The following MAGT1 variants were observed in gnomAD, a reference collection of about 807,000 sequenced individuals.
The protein encoded by MAGT1 is magnesium transporter 1, also known as dolichyl-diphosphooligosaccharide--protein glycosyltransferase subunit MAGT1.
Under a neutral mutation model 28.4 loss-of-function variants are expected in MAGT1, and 4 were observed. The observed-to-expected ratio is 0.14, with a 90% CI of 0.07 to 0.32. MAGT1 has a LOEUF of 0.32. Ranked by LOEUF, MAGT1 falls within the 10% of genes least tolerant of loss-of-function variation. The pLI is 1.00. For synonymous variants in MAGT1, 89 were observed against 89.7 expected (o/e 0.99, Z 0.04); for missense variants, 193 against 264.5 (o/e 0.73, Z 1.88).
rs1557212993 is a variant in MAGT1, at chrX:77,827,079, A to G, written c.*2141T>C. 8.9e-6 allele frequency: 1 copy of G among 112,188 alleles called. No individual in the cohort carries two copies. The highest frequency in any genetic ancestry group is 1.9e-5 in the Non-Finnish European group (1 of 53,247). The allele number at this position is 112,188 out of a possible 1,213,427, so 9.2% of individuals were successfully genotyped here. A position where few individuals can be genotyped will look rare whatever the true frequency, so the allele number is the denominator to read the frequency against. On this transcript the variant is annotated 3_prime_UTR_variant, in exon 10 of 10. Coordinates refer to ENST00000618282, the MANE Select transcript of MAGT1 (RefSeq NM_001367916.1). ...GTATCTTTTTAATGTAATACTTGTA[A>G]GATTTCCTTAAAATTATTTTTTCAC...
At chrX:77,855,430 T>C in intron 6 of MAGT1, 71 bp downstream of exon 6, 1 of 763,887 alleles carries the variant, frequency 1.3e-6, no homozygotes, top group Non-Finnish European at 2.0e-6. Context: ...ATGCTGGCAC[T>C]GTTCTCACAG....
At chrX:77,887,868 C>A (rs1360040464) in intron 1 of MAGT1, among the ~76,000 whole-genome samples, 4 of 112,137 alleles carry the variant, frequency 3.6e-5, no homozygotes, top group Admixed American at 2.8e-4. Context: ...AGTGCAGTGG[C>A]ACGATCTTGG....
chrX:77,886,935 A>C (rs1557219061), intron 1 of MAGT1, among the ~76,000 whole-genome samples: 1 of 111,985 alleles, frequency 8.9e-6, no homozygotes, highest in Non-Finnish European at 1.9e-5. Context: ...TTCTAATAAT[A>C]AACCAACCCG....
At chrX:77,834,958 T>C (rs1280090988) in intron 8 of MAGT1, among the ~76,000 whole-genome samples, 8 of 90,050 alleles carry the variant, frequency 8.9e-5, no homozygotes, top group Admixed American at 5.9e-4. Context: ...ACATAAAATC[T>C]TTTTTTTTTT....
At chrX:77,871,505 C>G (rs938460262) in intron 2 of MAGT1, among the ~76,000 whole-genome samples, 7 of 110,927 alleles carry the variant, frequency 6.3e-5, no homozygotes, top group Non-Finnish European at 1.3e-4. Context: ...GTCAGGAGCT[C>G]AAGACAAGCC....
At chrX:77,873,146 A>C (rs1269625109) in intron 2 of MAGT1, among the ~76,000 whole-genome samples, 1 of 112,323 alleles carries the variant, frequency 8.9e-6, no homozygotes, top group Non-Finnish European at 1.9e-5. Context: ...ATTCATAGTT[A>C]TTACTTACGA....
chrX:77,890,099 A>G (rs1039777987), intron 1 of MAGT1, among the ~76,000 whole-genome samples: 3 of 112,405 alleles, frequency 2.7e-5, no homozygotes, highest in Non-Finnish European at 5.6e-5. Flanking sequence ...GTTGTTGCAA[A>G]TGATAGGATC....
intron 4 of MAGT1, 88 bp from the exon 5 acceptor site, chrX:77,856,961 C>G (rs1557216059): frequency 1.1e-6 from 1 of 873,850 alleles, no homozygotes; most frequent in Non-Finnish European, 1.6e-6. Flanking sequence ...TGAAAGCAAT[C>G]AAAATTATTG....
intron 1 of MAGT1, among the ~76,000 whole-genome samples, chrX:77,893,667 G>T (rs2077090426): frequency 8.9e-6 from 1 of 112,215 alleles, no homozygotes; most frequent in East Asian, 2.8e-4. Flanking sequence ...AGGCCAAGGC[G>T]GAAGCAACAC....
chrX:77,844,733 T>C (rs1253758682), intron 7 of MAGT1, among the ~76,000 whole-genome samples: 6 of 111,805 alleles, frequency 5.4e-5, no homozygotes, highest in African/African-American at 1.9e-4. Context: ...GGCTGTTCAG[T>C]TTCCATGTAG....
At chrX:77,863,184 G>C (rs1354067825) in intron 3 of MAGT1, among the ~76,000 whole-genome samples, 1 of 109,366 alleles carries the variant, frequency 9.1e-6, no homozygotes, top group Non-Finnish European at 1.9e-5. Flanking sequence ...CTCATACACT[G>C]TTGGTGGGAA....
chrX:77,843,516 G>A (rs1255369503), intron 7 of MAGT1, among the ~76,000 whole-genome samples: 1 of 111,336 alleles, frequency 9.0e-6, no homozygotes, highest in African/African-American at 3.3e-5. Flanking sequence ...AATTACAGGC[G>A]TGAACCAATG....
intron 3 of MAGT1, among the ~76,000 whole-genome samples, chrX:77,865,277 T>C (rs1215528717): frequency 9.0e-6 from 1 of 111,268 alleles, no homozygotes; most frequent in Non-Finnish European, 1.9e-5. Flanking sequence ...GTAGTAACTA[T>C]ATTCTTTTAT....
At position 77,869,758 on chromosome X, in the gene MAGT1, G is replaced by A. The variant is rs916751108; in HGVS notation, c.390+1050C>T. The stretch of plus-strand genomic sequence containing the variant: ...CAAAACAAAAAAAAACAAAGATGTG[G>A]TGTGGATGTAGTGAAAAGGGAACAC... On this transcript the variant is annotated intron_variant, in intron 3 of 9. Coordinates refer to ENST00000618282, the MANE Select transcript of MAGT1 (RefSeq NM_001367916.1). Among the ~76,000 whole-genome samples the A allele has an allele frequency of 1.6e-4, 18 of 111,030 alleles. 1 individual carries two copies. In the Admixed American group the frequency reaches 1.7e-3, roughly 11 times the overall value.
intron 1 of MAGT1, among the ~76,000 whole-genome samples, chrX:77,892,734 C>T (rs965499658): frequency 1.8e-5 from 2 of 110,952 alleles, no homozygotes; most frequent in African/African-American, 6.5e-5. Context: ...GGTCATAAGG[C>T]TGTACTGAGC....
intron 1 of MAGT1, among the ~76,000 whole-genome samples, chrX:77,876,971 C>A (rs1557217903): frequency 1.0e-5 from 1 of 98,209 alleles, no homozygotes; most frequent in Admixed American, 1.1e-4. Context: ...CGAGATCGTG[C>A]CATTGCACTC....
intron 6 of MAGT1, among the ~76,000 whole-genome samples, chrX:77,855,210 G>T (rs908199042): frequency 3.6e-5 from 4 of 111,339 alleles, no homozygotes; most frequent in Non-Finnish European, 7.5e-5. Flanking sequence ...CTACTCAGGA[G>T]GCTGAGGCAG....
intron 7 of MAGT1, among the ~76,000 whole-genome samples, chrX:77,848,918 G>A (rs1029870475): frequency 1.0e-4 from 11 of 109,698 alleles, no homozygotes; most frequent in African/African-American, 3.3e-4. Flanking sequence ...GGAGGCTGAC[G>A]TGGGAGGACT....
At chrX:77,842,872 C>G (rs5959054) in intron 7 of MAGT1, among the ~76,000 whole-genome samples, 2 of 111,702 alleles carry the variant, frequency 1.8e-5, no homozygotes, top group Admixed American at 1.9e-4. Context: ...TGTGCCATGA[C>G]CACACTTTTA....
Sources: allele counts gnomAD v4.1 joint callset (sites outside exome capture counted in the v4.1 genomes callset), GRCh38; gene constraint gnomAD v4.1.1; transcripts MANE v1.5; gene names NCBI Gene and HGNC (gene_info 2026-07-23, HGNC 2026-07-21).